Variants in PTPN1 observed in about 807,000 individuals in gnomAD.
PTPN1 encodes protein tyrosine phosphatase non-receptor type 1.
A neutral mutation model predicts 59.9 loss-of-function variants in PTPN1; 12 were observed. The observed-to-expected ratio is 0.20, with a 90% confidence interval of 0.13 to 0.32. The LOEUF is 0.32. PTPN1 is among the 10% of genes least tolerant of loss of function. PTPN1 has a pLI of 1.00. For missense variants in PTPN1, 356 were observed against 549.2 expected (o/e 0.65, Z 3.52); for synonymous variants, 178 against 203.6 (o/e 0.87, Z 1.07).
rs115546071 is a variant in PTPN1 at position 50,511,604 on chromosome 20, T to C, written c.63+1014T>C. ...TGACCTTGTCTTAGGAGTCATCTCCTTGTGTGTTAAAAAGTTAGGAAAGGA... is the reference window on the plus strand; with the variant it reads ...TGACCTTGTCTTAGGAGTCATCTCCCTGTGTGTTAAAAAGTTAGGAAAGGA... On this transcript the variant is annotated intron_variant, in intron 1 of 9. Coordinates refer to ENST00000371621, the MANE Select transcript of PTPN1 (RefSeq NM_002827.4). Among the ~76,000 whole-genome samples the C allele has an allele frequency of 4.0e-3, 616 of 152,276 alleles. 3 individuals are homozygous for C. Among genetic ancestry groups the C allele is most frequent in the African/African-American group, 0.014 (591 of 41,542 alleles).
chr20:50,547,256 T>C (rs1301952559), intron 1 of PTPN1, among the ~76,000 whole-genome samples: 1 of 152,248 alleles, frequency 6.6e-6, no homozygotes, highest in Non-Finnish European at 1.5e-5. Context: ...GTAACGATTC[T>C]ATTCTGATTC....
In PTPN1 at chr20:50,582,233, G is replaced by A. The variant is rs900001484; in HGVS notation, c.1285-459G>A. Among the ~76,000 whole-genome samples the A allele has an allele frequency of 6.6e-6, 1 of 152,158 alleles. No individual in the cohort carries two copies. On this transcript the variant is annotated intron_variant, in intron 9 of 9. Transcript: ENST00000371621. The surrounding 1 kb of genome is among the most constrained non-coding windows in gnomAD (Gnocchi z 4.2). ...CCCATCCCCATAAATGGGTGTCCTC[G>A]AGGCCTCTGCCTGGGGGTCAGAGGT...
Position 50,533,690 on chromosome 20 carries a change from G to GCCCC in PTPN1, c.63+23106_63+23109dup, listed in dbSNP as rs11471457. Among the ~76,000 whole-genome samples the GCCCC allele has an allele frequency of 2.7e-4, 40 of 149,998 alleles. No homozygotes were observed. The East Asian group carries it at 3.4e-3, about 13-fold the overall frequency. Reference sequence around the variant, plus strand: ...CTTCTCAGCAGAAAGGGACACCCTTGCCCCCCCCCAGAAAGGAAGATTTGA... The same window carrying GCCCC: ...CTTCTCAGCAGAAAGGGACACCCTTGCCCCCCCCCCCCCAGAAAGGAAGATTTGA... On this transcript the variant is annotated intron_variant, in intron 1 of 9. Transcript: ENST00000371621.
chr20:50,567,375 C>T (rs1293158879), intron 3 of PTPN1, among the ~76,000 whole-genome samples: 2 of 151,914 alleles, frequency 1.3e-5, no homozygotes, highest in Non-Finnish European at 2.9e-5. Context: ...TGCAGTGAGC[C>T]AGGATTGCGC....
chr20:50,527,750 G>C (rs1359464656), intron 1 of PTPN1, among the ~76,000 whole-genome samples: 6 of 152,168 alleles, frequency 3.9e-5, no homozygotes, highest in African/African-American at 1.4e-4. Flanking sequence ...TGGTAGACCT[G>C]TATTTGCATA....
intron 6 of PTPN1, 108 bp from the exon 7 acceptor site, chr20:50,579,060 G>T: frequency 7.7e-7 from 1 of 1,291,012 alleles, no homozygotes; most frequent in South Asian, 1.3e-5. Flanking sequence ...CAACACTAGG[G>T]ATCACATTTC....
intron 2 of PTPN1, among the ~76,000 whole-genome samples, chr20:50,561,735 G>T (rs2082753374): frequency 6.6e-6 from 1 of 152,194 alleles, no homozygotes. Context: ...TTTCCTACCA[G>T]CTGAAGCAGA....
chr20:50,565,476 T>C (rs1414021335), intron 3 of PTPN1, among the ~76,000 whole-genome samples: 1 of 152,222 alleles, frequency 6.6e-6, no homozygotes, highest in Non-Finnish European at 1.5e-5. Flanking sequence ...CCAGAGCCAT[T>C]CAGAGTAGCT....
intron 1 of PTPN1, among the ~76,000 whole-genome samples, chr20:50,526,039 G>T (rs1488166593): frequency 6.6e-6 from 1 of 152,106 alleles, no homozygotes; most frequent in African/African-American, 2.4e-5. Flanking sequence ...TCTGATTTGC[G>T]GAGGAGAGTG....
intron 1 of PTPN1, among the ~76,000 whole-genome samples, chr20:50,536,574 A>G (rs1048841018): frequency 6.6e-6 from 1 of 152,234 alleles, no homozygotes; most frequent in Admixed American, 6.5e-5. Flanking sequence ...ATTCTAAAGA[A>G]CACAGGGAAG....
chr20:50,541,353 G>A (rs750998226), intron 1 of PTPN1, among the ~76,000 whole-genome samples: 3 of 152,244 alleles, frequency 2.0e-5, no homozygotes, highest in South Asian at 2.1e-4. Flanking sequence ...CTTTCTGACC[G>A]GTTTGGCACA....
At chr20:50,523,013 A>G (rs1332975846) in intron 1 of PTPN1, among the ~76,000 whole-genome samples, 1 of 150,146 alleles carries the variant, frequency 6.7e-6, no homozygotes, top group Admixed American at 6.7e-5. Flanking sequence ...TGATCCATCC[A>G]CCTCGGCCTC....
chr20:50,537,379 T>C (rs2082628725), intron 1 of PTPN1, among the ~76,000 whole-genome samples: 1 of 152,126 alleles, frequency 6.6e-6, no homozygotes. Context: ...AGAGATCCCA[T>C]GTGCGCTTTG....
intron 4 of PTPN1, 88 bp from the exon 5 acceptor site, chr20:50,574,429 A>G (rs1048118901): frequency 3.0e-6 from 4 of 1,340,964 alleles, no homozygotes; most frequent in Non-Finnish European, 4.0e-6. Flanking sequence ...TTGAGTTATC[A>G]TGAAGCTTGT....
At chr20:50,580,449 G>C (rs919181112) in intron 8 of PTPN1, among the ~76,000 whole-genome samples, 1 of 152,182 alleles carries the variant, frequency 6.6e-6, no homozygotes, top group Non-Finnish European at 1.5e-5. Flanking sequence ...CTGTGTTCTA[G>C]ACCATCTTGC....
intron 1 of PTPN1, among the ~76,000 whole-genome samples, chr20:50,533,019 A>G (rs562652401): frequency 6.7e-6 from 1 of 150,270 alleles, no homozygotes; most frequent in African/African-American, 2.4e-5. Context: ...TGTTCCTCTA[A>G]TATCACTTTT....
At chr20:50,579,610 C>T (rs903460156) in intron 7 of PTPN1, 93 bp from the exon 8 acceptor site, 15 of 1,171,292 alleles carry the variant, frequency 1.3e-5, no homozygotes, top group African/African-American at 7.7e-5. Context: ...GAGAGCCCCT[C>T]GCCAAGCCGT....
intron 4 of PTPN1, chr20:50,574,269 A>G (rs2082824964): frequency 6.6e-6 from 3 of 455,518 alleles, no homozygotes; most frequent in Admixed American, 9.1e-5. Flanking sequence ...TCCCGTTGCC[A>G]CGTTTGACCG....
At chr20:50,561,515 A>G (rs2082752357) in intron 2 of PTPN1, 62 bp downstream of exon 2, 8 of 1,092,498 alleles carry the variant, frequency 7.3e-6, no homozygotes, top group South Asian at 5.7e-5. Flanking sequence ...TTTTTAGTCA[A>G]GACTCCTTTC....
Sources: gnomAD v4.1 joint callset for allele counts (sites outside exome capture counted in the v4.1 genomes callset) on GRCh38, gnomAD v4.1.1 for gene constraint, Gnocchi (gnomAD v3.1) non-coding constraint, MANE v1.5 for transcripts, NCBI Gene and HGNC (gene_info 2026-07-23, HGNC 2026-07-21) for gene names.